The following SARDH variants were observed in gnomAD, a reference collection of about 807,000 sequenced individuals.
The protein encoded by SARDH is sarcosine dehydrogenase, mitochondrial.
Under a neutral mutation model 109.1 loss-of-function variants are expected in SARDH, and 95 were observed. The observed-to-expected ratio is 0.87, with a 90% CI of 0.74 to 1.03. The LOEUF is 1.03. Among genes scored for constraint, SARDH ranks in the 50% least tolerant of loss-of-function variants. SARDH has a pLI of 0.00. For synonymous variants in SARDH, 572 were observed against 534.8 expected (o/e 1.07, Z -0.96); for missense variants, 1,267 against 1,287.8 (o/e 0.98, Z 0.25).
chr9:133,739,935 A>G (rs1216835468), upstream of SARDH: 1 of 152,282 alleles, frequency 6.6e-6, no homozygotes, highest in Non-Finnish European at 1.5e-5. Flanking sequence ...CTGTCCCTGC[A>G]CTCAAAGACA....
At chr9:133,702,644 G>A (rs1417923244) in intron 13 of SARDH, among the ~76,000 whole-genome samples, 1 of 152,206 alleles carries the variant, frequency 6.6e-6, no homozygotes, top group Admixed American at 6.5e-5. Context: ...GCCCCAGCCC[G>A]TTGCCTCCGC....
intron 11 of SARDH, among the ~76,000 whole-genome samples, chr9:133,708,019 G>A (rs1265427441): frequency 6.6e-6 from 1 of 152,152 alleles, no homozygotes; most frequent in East Asian, 1.9e-4. Context: ...GCAGGGGGCG[G>A]TTCCTGGGTG....
chr9:133,712,484 C>T lies in SARDH; in HGVS notation c.1328+135G>A, dbSNP rs1438984586. On this transcript the variant is annotated intron_variant, in intron 10 of 20. Transcript: ENST00000439388. This position sits in a 1 kb window ranked among gnomAD's most constrained non-coding sequence, Gnocchi z 4.1. ...TGCCCACCTTCTGCTGGTGGCCTTC[C>T]TCCCTCACTGCTGCCCCTTCCAGGA... 13 of 733,024 alleles carry T rather than the reference C, an allele frequency of 1.8e-5. No individual in the cohort carries two copies. The highest frequency in any genetic ancestry group is 2.1e-5 in the Non-Finnish European group (9 of 434,784). The allele number at this position is 733,024 out of a possible 1,614,324, so 45.4% of individuals were successfully genotyped here. A position where few individuals can be genotyped will look rare whatever the true frequency, so the allele number is the denominator to read the frequency against.
rs757907870 is a variant in SARDH at position 133,690,567 on chromosome 9, G to T, written c.1922-40C>A. On this transcript the variant is annotated intron_variant, in intron 15 of 20. Transcript: ENST00000439388. ...CCTGGACTTAGAGCAGGATTTCAGG[G>T]CCTGGGAGGTGGGGACAGAGAGGGT... 5.1e-6 allele frequency: 8 copies of T among 1,580,134 alleles called. No homozygotes were observed. The East Asian group carries it at 1.8e-4, about 36-fold the overall frequency.
chr9:133,679,726 G>C (rs565097989), intron 17 of SARDH, among the ~76,000 whole-genome samples: 1 of 152,234 alleles, frequency 6.6e-6, no homozygotes, highest in African/African-American at 2.4e-5. Context: ...TCCAGGGATC[G>C]TGGCAGCCTG....
intron 12 of SARDH, among the ~76,000 whole-genome samples, chr9:133,703,920 C>A (rs867200222): frequency 6.6e-6 from 1 of 152,156 alleles, no homozygotes; most frequent in African/African-American, 2.4e-5. Flanking sequence ...GGCTGGCTCC[C>A]GGGTGGGGGT....
At chr9:133,691,870 C>A (rs911660476) in intron 15 of SARDH, among the ~76,000 whole-genome samples, 1 of 152,160 alleles carries the variant, frequency 6.6e-6, no homozygotes, top group Non-Finnish European at 1.5e-5. Context: ...CCCGCAGAGC[C>A]CTGGGGGATG....
intron 16 of SARDH, among the ~76,000 whole-genome samples, chr9:133,689,190 C>T (rs756074269): frequency 3.2e-4 from 48 of 151,266 alleles, no homozygotes; most frequent in Non-Finnish European, 6.6e-4. Context: ...CCCCACCCCT[C>T]CCTGCCTCTC....
chr9:133,739,344 G>A (rs1350778447), upstream of SARDH, among the ~76,000 whole-genome samples: 2 of 152,186 alleles, frequency 1.3e-5, no homozygotes, highest in African/African-American at 2.4e-5. Context: ...TATTCACACC[G>A]AGGATGTCCG....
intron 17 of SARDH, among the ~76,000 whole-genome samples, chr9:133,675,692 C>A (rs992329789): frequency 1.2e-4 from 19 of 152,188 alleles, no homozygotes; most frequent in African/African-American, 4.1e-4. Context: ...TGGGTATACA[C>A]CCAAAGGAAT....
Position 133,663,921 on chromosome 9 carries a change from G to A in SARDH, c.2725C>T (p.Pro909Ser). Residue 909 changes from proline to serine, a missense_variant, in exon 21 of 21, where the codon CCC (proline) becomes TCC (serine). Physicochemically the swap from Pro to Ser is moderately conservative, Grantham distance 74. Transcript: ENST00000439388. ...AQAHLKSPFD[P>S]NNKRVKGIY is the part of the protein sequence containing the mutation. ...ATTCCCTTCACCCTCTTGTTGTTGG[G>A]GTCGAAGGGCGACTTCAGGTGAGCC... The A allele has an allele frequency of 6.2e-7, 1 of 1,614,158 alleles. No homozygotes were observed.
chr9:133,713,946 G>A (rs1832027088), intron 8 of SARDH, among the ~76,000 whole-genome samples: 1 of 152,256 alleles, frequency 6.6e-6, no homozygotes. Context: ...CCCTCGAGGA[G>A]CTGACGGAGG....
At chr9:133,661,487 TTTG>T (rs1186647956), downstream of SARDH, among the ~76,000 whole-genome samples, 276 of 152,272 alleles carry the variant, frequency 1.8e-3, no homozygotes, top group Middle Eastern at 0.01. Context: ...CTTTCTTTTT[TTTG>T]TTGTTTTTGA....
chr9:133,665,936 G>A (rs1830049985), intron 20 of SARDH, among the ~76,000 whole-genome samples: 1 of 152,204 alleles, frequency 6.6e-6, no homozygotes, highest in South Asian at 2.1e-4. Context: ...CGGCTCCCAT[G>A]GAGAGACACG....
downstream of SARDH, among the ~76,000 whole-genome samples, chr9:133,662,805 G>T (rs1312370616): frequency 6.6e-6 from 1 of 152,214 alleles, no homozygotes. This position sits in a 1 kb window ranked among gnomAD's most constrained non-coding sequence, Gnocchi z 5.1. Context: ...GGGCATGCCT[G>T]GCAAGACTGC....
intron 8 of SARDH, 148 bp from the exon 9 acceptor site, chr9:133,713,272 TTCC>T (rs762204651): frequency 1.4e-5 from 9 of 644,044 alleles, no homozygotes; most frequent in South Asian, 1.9e-5. Context: ...TCAGCGCCAC[TTCC>T]TCATGGGGGC....
intron 17 of SARDH, among the ~76,000 whole-genome samples, chr9:133,672,040 C>T (rs1013556958): frequency 5.9e-5 from 9 of 152,332 alleles, no homozygotes; most frequent in East Asian, 3.9e-4. Flanking sequence ...AACTCTCTCT[C>T]GGTTCTGCAG....
chr9:133,697,434 C>CATT (rs1037118424), intron 13 of SARDH, among the ~76,000 whole-genome samples: 5 of 152,144 alleles, frequency 3.3e-5, no homozygotes, highest in African/African-American at 1.2e-4. Context: ...AGGAGGCCAG[C>CATT]ATTACCCTGA....
intron 17 of SARDH, among the ~76,000 whole-genome samples, chr9:133,673,800 T>C (rs1242152063): frequency 3.3e-5 from 5 of 152,190 alleles, no homozygotes; most frequent in Non-Finnish European, 7.4e-5. Flanking sequence ...AAATAATTTT[T>C]AAAGTGCACC....
Sources: gnomAD v4.1 joint callset for allele counts (sites outside exome capture counted in the v4.1 genomes callset) on GRCh38, gnomAD v4.1.1 for gene constraint, Gnocchi (gnomAD v3.1) non-coding constraint, MANE v1.5 for transcripts, NCBI Gene and HGNC (gene_info 2026-07-23, HGNC 2026-07-21) for gene names.